The following SYNE3 variants were observed in gnomAD, a reference collection of about 807,000 sequenced individuals.
SYNE3 encodes the protein spectrin repeat containing nuclear envelope family member 3, also known as nesprin-3.
SYNE3 carries 100 observed loss-of-function variants against 111.2 expected under a neutral mutation model. The observed-to-expected ratio is 0.90, with a 90% CI of 0.77 to 1.06. The LOEUF (loss-of-function observed/expected upper bound fraction) is 1.06, where lower values mean the gene tolerates loss of function less well. SYNE3 is among the 50% of genes least tolerant of loss of function. The probability of loss-of-function intolerance (pLI) is 0.00; values close to 1 mark genes in which losing one functional copy is unlikely to be tolerated. For synonymous variants in SYNE3, 547 were observed against 533.9 expected (o/e 1.02, Z -0.34); for missense variants, 1,160 against 1,240.3 (o/e 0.94, Z 0.97).
Position 95,450,129 on chromosome 14 carries a change from A to G in SYNE3, c.1275-24T>C, listed in dbSNP as rs546517189. The stretch of plus-strand genomic sequence containing the variant: ...GGCTGCAAGGAGCGTGGAGGGAGAA[A>G]ATGAGGGAGGAGAGAGAGTGGGTTC... On this transcript the variant is annotated intron_variant, in intron 7 of 17. Transcript: ENST00000682763. 81 of 1,562,434 alleles carry G rather than the reference A, an allele frequency of 5.2e-5. 1 individual carries two copies. In the South Asian group the frequency reaches 9.2e-4, roughly 18 times the overall value.
chr14:95,472,844 C>A (rs1332957454), intron 2 of SYNE3, among the ~76,000 whole-genome samples: 1 of 152,088 alleles, frequency 6.6e-6, no homozygotes, highest in East Asian at 1.9e-4. Context: ...GGGGTTCATT[C>A]CTGCTCTACA....
At chr14:95,491,771 G>A (rs1460090772) in intron 1 of SYNE3, among the ~76,000 whole-genome samples, 5 of 116,510 alleles carry the variant, frequency 4.3e-5, no homozygotes, top group African/African-American at 3.8e-5. Context: ...AGGCAAAAAT[G>A]TTAAAAAAAA....
intron 1 of SYNE3, among the ~76,000 whole-genome samples, chr14:95,488,334 G>A (rs1259463885): frequency 6.6e-6 from 1 of 152,188 alleles, no homozygotes; most frequent in South Asian, 2.1e-4. Context: ...GTCGTTGCCT[G>A]TATCAGTGGT....
chr14:95,418,172 AC>A (rs1267478658), intron 17 of SYNE3, 146 bp from the exon 18 acceptor site: 1 of 825,170 alleles, frequency 1.2e-6, no homozygotes, highest in Non-Finnish European at 1.9e-6. Context: ...CATCTGTGAA[AC>A]AGGGCTAATG....
rs1828176849 is a variant in SYNE3, at chr14:95,409,594, G to A, written c.*8232C>T. 2.7e-6 allele frequency: 1 copy of A among 363,946 alleles called. No individual in the cohort carries two copies. The highest frequency in any genetic ancestry group is 2.1e-5 in the South Asian group (1 of 48,348). 22.5% of individuals were successfully genotyped at this position (363,946 alleles called of 1,614,324 possible). On this transcript the variant is annotated 3_prime_UTR_variant, in exon 18 of 18. Coordinates refer to ENST00000682763, the MANE Select transcript of SYNE3 (RefSeq NM_152592.6). ...GAGAGCAGGTGCTGGGAGATGCTGAGTCCTGCTGACTGTGCTTTAAGGCCC... is the reference window on the plus strand; with the variant it reads ...GAGAGCAGGTGCTGGGAGATGCTGAATCCTGCTGACTGTGCTTTAAGGCCC...
At chr14:95,467,769 G>A (rs893292480) in intron 3 of SYNE3, 26 bp downstream of exon 3, 1 of 1,613,340 alleles carries the variant, frequency 6.2e-7, no homozygotes, top group South Asian at 1.1e-5. Context: ...AATGGCAGCT[G>A]TGGACAAAGG....
At chr14:95,446,741 T>C (rs1886742789) in intron 8 of SYNE3, among the ~76,000 whole-genome samples, 1 of 152,248 alleles carries the variant, frequency 6.6e-6, no homozygotes, top group African/African-American at 2.4e-5. Flanking sequence ...CTCAGAGGCC[T>C]CCTACAATGG....
chr14:95,460,511 A>G (rs1368221106), intron 4 of SYNE3, among the ~76,000 whole-genome samples: 1 of 151,870 alleles, frequency 6.6e-6, no homozygotes, highest in Non-Finnish European at 1.5e-5. Flanking sequence ...GTGAGCCACC[A>G]TGCCCAGTCA....
In SYNE3 at chr14:95,455,460, G is replaced by T; in HGVS notation, c.1054C>A (p.Gln352Lys). The change falls in exon 6 of 18, where the codon CAG becomes AAG. Residue 352 changes from glutamine (Q) to lysine (K), a missense_variant. Gln to Lys is a moderately conservative substitution (Grantham distance 53). Coordinates refer to ENST00000682763, the MANE Select transcript of SYNE3 (RefSeq NM_152592.6). ...TGCAGGCCCTCCTGGGCCAGCCTCT[G>T]CAGGACCATCCTGAACTCACTGAGC... ...AELSEFRMVL[Q>K]RLAQEGLQPA... 1 of 1,612,328 alleles carries T rather than the reference G, an allele frequency of 6.2e-7. No individual in the cohort carries two copies.
intron 1 of SYNE3, among the ~76,000 whole-genome samples, chr14:95,495,337 C>G (rs1380526961): frequency 1.3e-5 from 2 of 152,228 alleles, no homozygotes; most frequent in Non-Finnish European, 2.9e-5. Context: ...GTTAAGGAGT[C>G]TCCTGCCTGC....
intron 1 of SYNE3, among the ~76,000 whole-genome samples, chr14:95,511,725 TAAATAAATAAATTAAATA>T (rs1001722637): frequency 2.6e-5 from 4 of 151,688 alleles, no homozygotes; most frequent in African/African-American, 9.7e-5. Context: ...AAAAAATAAA[TAAATAAATAAATTAAATA>T]AAATAAATAA....
At chr14:95,429,059 ACGTGCATG>A (rs1885594088) in intron 17 of SYNE3, among the ~76,000 whole-genome samples, 1 of 152,244 alleles carries the variant, frequency 6.6e-6, no homozygotes, top group Non-Finnish European at 1.5e-5. Context: ...GGATGTGCAT[ACGTGCATG>A]CGTGCGCATA....
chr14:95,432,516 C>T (rs1885838010), intron 16 of SYNE3, among the ~76,000 whole-genome samples: 1 of 152,192 alleles, frequency 6.6e-6, no homozygotes, highest in African/African-American at 2.4e-5. Context: ...ACCTAGGAAA[C>T]TTAATGTCCG....
At chr14:95,461,594 G>A (rs1303904453) in intron 4 of SYNE3, among the ~76,000 whole-genome samples, 15 of 152,182 alleles carry the variant, frequency 9.9e-5, no homozygotes, top group African/African-American at 2.9e-4. Context: ...CATGATGGAC[G>A]TCAAAAATGG....
At chr14:95,495,611 G>T (rs1890057843) in intron 1 of SYNE3, among the ~76,000 whole-genome samples, 1 of 152,246 alleles carries the variant, frequency 6.6e-6, no homozygotes, top group South Asian at 2.1e-4. Flanking sequence ...GGAAACTGAA[G>T]CTGGCTCTCC....
At chr14:95,487,464 A>G (rs752253591) in intron 1 of SYNE3, among the ~76,000 whole-genome samples, 2 of 152,126 alleles carry the variant, frequency 1.3e-5, no homozygotes, top group Non-Finnish European at 2.9e-5. Flanking sequence ...CACGAACCAC[A>G]GGAGCTCCCT....
At chr14:95,473,050 C>G (rs1888629983) in intron 2 of SYNE3, among the ~76,000 whole-genome samples, 1 of 152,194 alleles carries the variant, frequency 6.6e-6, no homozygotes, top group East Asian at 1.9e-4. Flanking sequence ...GGTCGAGAGG[C>G]ACTAGCTGCC....
At chr14:95,456,966 TC>T (rs755163499) in intron 5 of SYNE3, among the ~76,000 whole-genome samples, 24 of 151,432 alleles carry the variant, frequency 1.6e-4, no homozygotes, top group Non-Finnish European at 2.5e-4. Context: ...GTGCCTGTAG[TC>T]CCAGCTACTC....
At chr14:95,497,627 C>T (rs993388387) in intron 1 of SYNE3, among the ~76,000 whole-genome samples, 2 of 152,206 alleles carry the variant, frequency 1.3e-5, no homozygotes, top group African/African-American at 2.4e-5. Flanking sequence ...GGTTGGCAGA[C>T]TGTTTCTGGA....
Sources: gnomAD v4.1 joint callset for allele counts (sites outside exome capture counted in the v4.1 genomes callset) on GRCh38, gnomAD v4.1.1 for gene constraint, MANE v1.5 for transcripts, NCBI Gene and HGNC (gene_info 2026-07-23, HGNC 2026-07-21) for gene names.